Variants in CTNNA2 observed in about 807,000 individuals in gnomAD.
The protein encoded by CTNNA2 is catenin alpha 2, also known as catenin alpha-2.
In CTNNA2, 42 loss-of-function variants were observed where a neutral mutation model predicts 101.0. The ratio of observed to expected loss-of-function variants is 0.42; its 90% CI spans 0.32 to 0.54. The LOEUF is 0.54. Ranked by LOEUF, CTNNA2 falls within the 20% of genes least tolerant of loss-of-function variation. The pLI is 0.14. For missense variants in CTNNA2, 871 were observed against 1,223.1 expected, an observed-to-expected ratio of 0.71 and a Z score of 4.29; for synonymous variants, 450 against 456.4, an observed-to-expected ratio of 0.99 and a Z score of 0.18.
At chr2:80,554,391 A>T (rs1692843094) in intron 11 of CTNNA2, among the ~76,000 whole-genome samples, 1 of 152,218 alleles carries the variant, frequency 6.6e-6, no homozygotes, top group Non-Finnish European at 1.5e-5. Flanking sequence ...AAATATATTT[A>T]TCAAAAGCAC....
intron 1 of CTNNA2, among the ~76,000 whole-genome samples, chr2:79,568,431 G>A (rs570479191): frequency 7.3e-4 from 111 of 151,640 alleles, no homozygotes; most frequent in Middle Eastern, 3.4e-3. Flanking sequence ...GTGAAACCCC[G>A]TCTCTACTAA....
At chr2:80,268,076 G>A (rs1460865111) in intron 7 of CTNNA2, among the ~76,000 whole-genome samples, 1 of 152,350 alleles carries the variant, frequency 6.6e-6, no homozygotes, top group Middle Eastern at 3.4e-3. Flanking sequence ...AGCCCACAGA[G>A]TTCAGCTCTT....
intron 2 of CTNNA2, among the ~76,000 whole-genome samples, chr2:79,268,179 G>A (rs1246396328): frequency 6.6e-6 from 1 of 152,122 alleles, no homozygotes; most frequent in Non-Finnish European, 1.5e-5. Context: ...TGATGAGATT[G>A]CAGATTGGCA....
intron 7 of CTNNA2, among the ~76,000 whole-genome samples, chr2:80,229,926 C>A (rs1558924239): frequency 6.6e-6 from 1 of 152,144 alleles, no homozygotes; most frequent in Admixed American, 6.5e-5. Flanking sequence ...ATGAGGGACT[C>A]CATATATGAT....
chr2:79,185,674 C>T (rs1251318245), intron 1 of CTNNA2, among the ~76,000 whole-genome samples: 2 of 151,978 alleles, frequency 1.3e-5, no homozygotes, highest in Non-Finnish European at 2.9e-5. Context: ...ATGGGTGCTC[C>T]AAATACTAGA....
intron 6 of CTNNA2, among the ~76,000 whole-genome samples, chr2:79,904,945 T>C (rs1428435650): frequency 2.0e-5 from 3 of 152,342 alleles, no homozygotes. Context: ...CTACATAGTC[T>C]GCTAAATTAT....
intron 7 of CTNNA2, among the ~76,000 whole-genome samples, chr2:80,038,028 A>G (rs534947290): frequency 6.0e-5 from 9 of 150,928 alleles, no homozygotes; most frequent in Admixed American, 5.3e-4. Context: ...TTGTCCTATG[A>G]CATTGACTTT....
chr2:80,427,098 C>A (rs1681064089), intron 9 of CTNNA2, among the ~76,000 whole-genome samples: 1 of 151,994 alleles, frequency 6.6e-6, no homozygotes. Context: ...AAGCACCTAG[C>A]ATATAGCAGG....
intron 1 of CTNNA2, chr2:79,574,109 G>A: frequency 6.5e-6 from 1 of 152,684 alleles, no homozygotes; most frequent in Admixed American, 6.5e-5. Context: ...ACAAGGAAAA[G>A]TATTGATGTC....
chr2:79,822,887 A>G (rs1012834113), intron 3 of CTNNA2, among the ~76,000 whole-genome samples: 5 of 152,096 alleles, frequency 3.3e-5, no homozygotes, highest in Admixed American at 1.3e-4. Flanking sequence ...CTTCAGACAC[A>G]TTTCATACCC....
chr2:79,301,924 C>T (rs1195136537), intron 2 of CTNNA2, among the ~76,000 whole-genome samples: 1 of 151,844 alleles, frequency 6.6e-6, no homozygotes. Context: ...AACTCTGTCT[C>T]TACAAAAAAT....
chr2:80,128,516 C>T (rs541685726), intron 7 of CTNNA2, among the ~76,000 whole-genome samples: 3 of 151,974 alleles, frequency 2.0e-5, no homozygotes, highest in Non-Finnish European at 4.4e-5. Flanking sequence ...TTCAAAGCAA[C>T]GTAAGTTAAA....
At chr2:80,393,170 T>C in intron 7 of CTNNA2, 41 bp from the exon 8 acceptor site, 2 of 1,473,150 alleles carry the variant, frequency 1.4e-6, no homozygotes, top group South Asian at 1.3e-5. Flanking sequence ...TCTCTAACAT[T>C]GAATATGCTA....
chr2:79,737,980 A>C (rs933948557), intron 2 of CTNNA2, among the ~76,000 whole-genome samples: 4 of 152,242 alleles, frequency 2.6e-5, no homozygotes, highest in African/African-American at 4.8e-5. Context: ...TAGAAGAGAC[A>C]CAGTCAAGTT....
Position 80,302,471 on chromosome 2 carries a change from C to CA in CTNNA2, c.1057-90739dup. The CA allele has an allele frequency of 6.2e-7, 1 of 1,614,096 alleles. No homozygotes were observed. Among genetic ancestry groups the CA allele is most frequent in the Non-Finnish European group, 8.5e-7 (1 of 1,180,038 alleles). On this transcript the variant is annotated intron_variant, in intron 7 of 18. Transcript: ENST00000402739. The surrounding 1 kb of genome is among the most constrained non-coding windows in gnomAD (Gnocchi z 6.4). Reference sequence around the variant, plus strand: ...CCTGAGGCTGGCTGGGAAACACTTCCAGGACACGTAGAGCACCAGGACCAC... The same window carrying CA: ...CCTGAGGCTGGCTGGGAAACACTTCCAAGGACACGTAGAGCACCAGGACCAC...
intron 1 of CTNNA2, among the ~76,000 whole-genome samples, chr2:79,585,505 T>A (rs900388553): frequency 6.6e-6 from 1 of 151,972 alleles, no homozygotes; most frequent in Admixed American, 6.6e-5. Flanking sequence ...TCTTATAATA[T>A]TATTATTATA....
At chr2:79,290,594 A>C (rs979031377) in intron 2 of CTNNA2, among the ~76,000 whole-genome samples, 1 of 152,150 alleles carries the variant, frequency 6.6e-6, no homozygotes, top group Non-Finnish European at 1.5e-5. Context: ...CAGCAGAAGA[A>C]CACACAAGCG....
At chr2:79,397,103 A>T (rs562611763) in intron 4 of CTNNA2, among the ~76,000 whole-genome samples, 1 of 152,152 alleles carries the variant, frequency 6.6e-6, no homozygotes, top group South Asian at 2.1e-4. Context: ...GATATACTAG[A>T]GTTGTTCATA....
In CTNNA2 at chr2:80,184,893, A is replaced by C. The variant is rs575487192; in HGVS notation, c.1057-208318A>C. On this transcript the variant is annotated intron_variant, in intron 7 of 18. Coordinates refer to ENST00000402739, the MANE Select transcript of CTNNA2 (RefSeq NM_001282597.3). ...TCACATATTTAAAAGATGTGCAAGA[A>C]ACATCCTATGCTTAAACATCCTATC... Among the ~76,000 whole-genome samples, 4 of 152,312 alleles carry C rather than the reference A, an allele frequency of 2.6e-5. No individual in the cohort carries two copies. The South Asian group carries it at 8.3e-4, about 32-fold the overall frequency.
Sources: gnomAD v4.1 joint callset for allele counts (sites outside exome capture counted in the v4.1 genomes callset) on GRCh38, gnomAD v4.1.1 for gene constraint, Gnocchi (gnomAD v3.1) non-coding constraint, MANE v1.5 for transcripts, NCBI Gene and HGNC (gene_info 2026-07-23, HGNC 2026-07-21) for gene names.